DCDC2C: variants seen among roughly 807,000 people sequenced by gnomAD.
DCDC2C encodes the protein doublecortin domain-containing protein 2C.
A neutral mutation model predicts 45.0 loss-of-function variants in DCDC2C; 44 were observed. The ratio of observed to expected loss-of-function variants is 0.98; its 90% CI spans 0.77 to 1.26. DCDC2C has a LOEUF of 1.26. Ranked by LOEUF, DCDC2C falls within the 50% of genes most tolerant of loss-of-function variation. The probability of loss-of-function intolerance (pLI) is 0.00; values close to 1 mark genes in which losing one functional copy is unlikely to be tolerated. For missense variants in DCDC2C, 447 were observed against 468.9 expected, an observed-to-expected ratio of 0.95 and a Z score of 0.43; for synonymous variants, 187 against 178.8, an observed-to-expected ratio of 1.05 and a Z score of -0.37.
rs914429738 is a variant in DCDC2C at position 3,774,002 on chromosome 2, C to T, written c.954+4591C>T. On this transcript the variant is annotated intron_variant, in intron 8 of 10. Coordinates refer to ENST00000399143, the MANE Select transcript of DCDC2C (RefSeq NM_001287444.2). ...CTCAAATAGCAACTAGGGCAGTGCCCCCTGCACTGTGCCTCCAAGGGGTGT... is the reference window on the plus strand; with the variant it reads ...CTCAAATAGCAACTAGGGCAGTGCCTCCTGCACTGTGCCTCCAAGGGGTGT... 4.2e-4 allele frequency among the ~76,000 whole-genome samples: 64 copies of T among 152,272 alleles called. 1 individual carries two copies. The highest frequency in any genetic ancestry group is 1.4e-3 in the African/African-American group (58 of 41,556).
intron 10 of DCDC2C, among the ~76,000 whole-genome samples, chr2:3,841,829 A>G (rs1672221815): frequency 6.6e-6 from 1 of 152,132 alleles, no homozygotes; most frequent in Non-Finnish European, 1.5e-5. Flanking sequence ...TCACTGTGTG[A>G]CAGTCTTTGT....
intron 8 of DCDC2C, among the ~76,000 whole-genome samples, chr2:3,769,687 G>C (rs1032178959): frequency 5.3e-5 from 8 of 152,190 alleles, no homozygotes; most frequent in Non-Finnish European, 1.0e-4. Context: ...GATTGTGTCT[G>C]TCCCCTCACT....
chr2:3,707,808 A>G (rs1668107313), intron 1 of DCDC2C, among the ~76,000 whole-genome samples: 1 of 152,180 alleles, frequency 6.6e-6, no homozygotes, highest in South Asian at 2.1e-4. Flanking sequence ...TTTATTGAAC[A>G]CTTAGTTATT....
chr2:3,800,342 T>C (rs1276089344), intron 10 of DCDC2C, among the ~76,000 whole-genome samples: 1 of 152,192 alleles, frequency 6.6e-6, no homozygotes, highest in African/African-American at 2.4e-5. Context: ...TGTCACTCAC[T>C]CTGGGAGCTG....
intron 2 of DCDC2C, among the ~76,000 whole-genome samples, chr2:3,726,588 G>T (rs1026721018): frequency 6.6e-6 from 1 of 152,202 alleles, no homozygotes; most frequent in African/African-American, 2.4e-5. Context: ...AATGAAATCA[G>T]AAGTGACATG....
At chr2:3,796,991 T>C (rs895938502) in intron 10 of DCDC2C, among the ~76,000 whole-genome samples, 1 of 152,206 alleles carries the variant, frequency 6.6e-6, no homozygotes, top group African/African-American at 2.4e-5. Flanking sequence ...TATGAATCCG[T>C]CTGGTCCTGG....
At chr2:3,779,122 G>A (rs538981883) in intron 9 of DCDC2C, among the ~76,000 whole-genome samples, 4 of 152,260 alleles carry the variant, frequency 2.6e-5, no homozygotes, top group South Asian at 4.1e-4. Flanking sequence ...ATTACTTTCC[G>A]CTCTACTTCC....
At chr2:3,813,152 A>G (rs1460253730) in intron 10 of DCDC2C, among the ~76,000 whole-genome samples, 1 of 148,156 alleles carries the variant, frequency 6.7e-6, no homozygotes, top group Admixed American at 6.8e-5. Flanking sequence ...GCTCACTGCA[A>G]CCTCCACCTC....
rs1360703110 is a variant in DCDC2C, at chr2:3,818,225, G to T, written c.1066-28929G>T. On this transcript the variant is annotated intron_variant, in intron 10 of 10. Coordinates refer to ENST00000399143, the MANE Select transcript of DCDC2C (RefSeq NM_001287444.2). This position sits in a 1 kb window ranked among gnomAD's most constrained non-coding sequence, Gnocchi z 4.7. ...GAAAGAAAGTAAATTATGAGAAAGG[G>T]CTTGACTGAAGTAATGAGGGCTGTC... 2.0e-5 allele frequency among the ~76,000 whole-genome samples: 3 copies of T among 152,130 alleles called. No individual in the cohort carries two copies. Among genetic ancestry groups the T allele is most frequent in the Non-Finnish European group, 4.4e-5 (3 of 68,030 alleles).
intron 8 of DCDC2C, among the ~76,000 whole-genome samples, chr2:3,775,677 C>G (rs112471674): frequency 1.2e-4 from 3 of 25,522 alleles, no homozygotes; most frequent in Non-Finnish European, 1.9e-4. Flanking sequence ...AGCTGTGGCT[C>G]TGAGCTAGGC....
At chr2:3,714,265 C>T (rs1668293124) in intron 2 of DCDC2C, among the ~76,000 whole-genome samples, 1 of 152,086 alleles carries the variant, frequency 6.6e-6, no homozygotes. Context: ...TTTGAAGTTG[C>T]ACTTCATTAA....
chr2:3,840,292 A>G (rs1323517037), intron 10 of DCDC2C, among the ~76,000 whole-genome samples: 1 of 152,236 alleles, frequency 6.6e-6, no homozygotes, highest in Non-Finnish European at 1.5e-5. Context: ...GGTCACCTGG[A>G]AAGACCCTGT....
intron 9 of DCDC2C, among the ~76,000 whole-genome samples, chr2:3,783,483 C>A (rs1250335191): frequency 6.6e-6 from 1 of 152,226 alleles, no homozygotes; most frequent in African/African-American, 2.4e-5. Context: ...CCTTCCTACG[C>A]CGTCCAAAGC....
chr2:3,725,483 A>AGGAGGCTGCCCGGTGGATCCTGGAGGG (rs1668628114), intron 2 of DCDC2C, among the ~76,000 whole-genome samples: 2 of 24,434 alleles, frequency 8.2e-5, no homozygotes, highest in East Asian at 2.0e-3. Context: ...ATCCCAGAGG[A>AGGAGGCTGCCCGGTGGATCCTGGAGGG]AGACGAGCAG....
chr2:3,787,509 G>A (rs745782981), intron 10 of DCDC2C, among the ~76,000 whole-genome samples: 7 of 152,152 alleles, frequency 4.6e-5, no homozygotes, highest in African/African-American at 9.7e-5. Context: ...GAAGGAATGA[G>A]ATTTTACTCA....
intron 10 of DCDC2C, among the ~76,000 whole-genome samples, chr2:3,827,429 G>A (rs1325989297): frequency 6.6e-6 from 1 of 152,126 alleles, no homozygotes; most frequent in Non-Finnish European, 1.5e-5. Context: ...AGAGCTCTCT[G>A]GGTGGTGATC....
In DCDC2C at chr2:3,769,328, G is replaced by T; in HGVS notation, c.871G>T (p.Ala291Ser). The T allele has an allele frequency of 1.9e-6, 3 of 1,550,542 alleles. No homozygotes were observed. Among genetic ancestry groups the T allele is most frequent in the Non-Finnish European group, 2.6e-6 (3 of 1,146,948 alleles). ...QRGAEGDVYK[A>S]PTPSKETQGA... ...TCTCCCAGAAGGTGACGTGTATAAA[G>T]CACCGACTCCTAGCAAGGAAACCCA... Residue 291 changes from alanine (A) to serine (S), a missense_variant, in exon 8 of 11, where the codon GCA (alanine) becomes TCA (serine). Transcript: ENST00000399143.
chr2:3,752,677 C>A, intron 4 of DCDC2C, 86 bp from the exon 5 acceptor site: 1 of 1,443,202 alleles, frequency 6.9e-7, no homozygotes, highest in South Asian at 1.2e-5. Context: ...ATGCACTAGT[C>A]ATGTCATAGT....
chr2:3,744,329 C>G (rs925924153), intron 4 of DCDC2C, among the ~76,000 whole-genome samples: 1 of 152,162 alleles, frequency 6.6e-6, no homozygotes, highest in East Asian at 1.9e-4. Context: ...TGGGTGGCAT[C>G]AGGCCCAGCG....
Sources: gnomAD v4.1 joint callset for allele counts (sites outside exome capture counted in the v4.1 genomes callset) on GRCh38, gnomAD v4.1.1 for gene constraint, Gnocchi (gnomAD v3.1) non-coding constraint, MANE v1.5 for transcripts, NCBI Gene and HGNC (gene_info 2026-07-23, HGNC 2026-07-21) for gene names.